Variants in KLHL13 observed in about 807,000 individuals in gnomAD.
The protein encoded by KLHL13 is kelch-like protein 13.
A neutral mutation model predicts 37.1 loss-of-function variants in KLHL13; 10 were observed. The ratio of observed to expected loss-of-function variants is 0.27; its 90% CI spans 0.17 to 0.46. The LOEUF (loss-of-function observed/expected upper bound fraction) is 0.46. Among genes scored for constraint, KLHL13 ranks in the 20% least tolerant of loss-of-function variants. The pLI, the probability that KLHL13 is intolerant of heterozygous loss-of-function variation, is 1.00. For synonymous variants in KLHL13, 163 were observed against 181.2 expected, an observed-to-expected ratio of 0.90 and a Z score of 0.81; for missense variants, 360 against 509.3, an observed-to-expected ratio of 0.71 and a Z score of 2.82.
At chrX:117,922,599 T>C (rs971871210) in intron 2 of KLHL13, among the ~76,000 whole-genome samples, 4 of 111,581 alleles carry the variant, frequency 3.6e-5, no homozygotes, top group African/African-American at 1.3e-4. Context: ...AATAATAAAA[T>C]GAGTTGTGCT....
intron 1 of KLHL13, among the ~76,000 whole-genome samples, chrX:118,023,313 G>T (rs2054239844): frequency 9.0e-6 from 1 of 110,885 alleles, no homozygotes; most frequent in African/African-American, 3.3e-5. Flanking sequence ...TTGTTTCAGA[G>T]AGATAATTTT....
At chrX:117,938,907 G>A (rs772869545) in intron 2 of KLHL13, among the ~76,000 whole-genome samples, 30 of 110,129 alleles carry the variant, frequency 2.7e-4, no homozygotes, top group African/African-American at 8.9e-4. Flanking sequence ...AAAAATAGCC[G>A]AAGACTCGTT....
At chrX:117,978,982 G>A (rs1269028547) in intron 1 of KLHL13, among the ~76,000 whole-genome samples, 1 of 110,883 alleles carries the variant, frequency 9.0e-6, no homozygotes, top group Admixed American at 9.6e-5. Context: ...CCAGGCTGGA[G>A]TGCAGTGCCA....
chrX:118,023,672 G>A (rs774681986), intron 1 of KLHL13, among the ~76,000 whole-genome samples: 1 of 111,456 alleles, frequency 9.0e-6, no homozygotes, highest in South Asian at 3.8e-4. Context: ...AGGTTCAGGC[G>A]ATTCTCATGC....
chrX:118,023,690 T>G (rs1422443941), intron 1 of KLHL13, among the ~76,000 whole-genome samples: 1 of 111,366 alleles, frequency 9.0e-6, no homozygotes, highest in Non-Finnish European at 1.9e-5. Flanking sequence ...TGCCTCAGCC[T>G]CCCAAATAGC....
chrX:118,111,913 G>C (rs1054969743), intron 1 of KLHL13, among the ~76,000 whole-genome samples: 2 of 111,606 alleles, frequency 1.8e-5, no homozygotes, highest in Non-Finnish European at 1.9e-5. Context: ...AAAAGAAAAA[G>C]AAAAAGAGAA....
chrX:117,963,378 G>A (rs927132895), intron 1 of KLHL13, among the ~76,000 whole-genome samples: 1 of 111,822 alleles, frequency 8.9e-6, no homozygotes, highest in Non-Finnish European at 1.9e-5. Flanking sequence ...AAACTTGTGT[G>A]CTATAAAGCA....
At chrX:118,007,079 C>T (rs749717068) in intron 1 of KLHL13, among the ~76,000 whole-genome samples, 35 of 110,797 alleles carry the variant, frequency 3.2e-4, no homozygotes, top group Non-Finnish European at 5.7e-4. Context: ...AGTGACCTCC[C>T]ACTGATTTGA....
intron 2 of KLHL13, among the ~76,000 whole-genome samples, chrX:117,941,855 TTA>T (rs1436482371): frequency 9.0e-6 from 1 of 111,715 alleles, no homozygotes; most frequent in Non-Finnish European, 1.9e-5. Flanking sequence ...CTGATCTTAG[TTA>T]TTTCTTGTCG....
At chrX:118,070,348 G>A (rs761463437) in intron 1 of KLHL13, among the ~76,000 whole-genome samples, 2 of 112,193 alleles carry the variant, frequency 1.8e-5, no homozygotes, top group African/African-American at 6.5e-5. Flanking sequence ...ATTTCTATTA[G>A]GATTTCTTTC....
At chrX:118,093,914 G>A (rs1342499960) in intron 1 of KLHL13, among the ~76,000 whole-genome samples, 1 of 109,405 alleles carries the variant, frequency 9.1e-6, no homozygotes, top group Non-Finnish European at 1.9e-5. Context: ...TGGCCGAATA[G>A]GAACAGCTCC....
chrX:117,966,465 A>G (rs1421961934), intron 1 of KLHL13, among the ~76,000 whole-genome samples: 2 of 111,259 alleles, frequency 1.8e-5, no homozygotes, highest in Admixed American at 9.6e-5. Context: ...AATCAATATC[A>G]TGAAAATGGC....
chrX:117,930,587 C>T (rs750623028), intron 2 of KLHL13, among the ~76,000 whole-genome samples: 166 of 111,854 alleles, frequency 1.5e-3, no homozygotes, highest in Non-Finnish European at 2.6e-3. Flanking sequence ...CACTTCGACA[C>T]TAGCAAATAA....
At chrX:118,035,856 C>T (rs1348084532) in intron 1 of KLHL13, among the ~76,000 whole-genome samples, 1 of 101,919 alleles carries the variant, frequency 9.8e-6, no homozygotes, top group Non-Finnish European at 1.9e-5. Context: ...ATTGTCTCAG[C>T]CCAAAATCTC....
chrX:118,099,234 ATT>A (rs746145209), intron 1 of KLHL13, among the ~76,000 whole-genome samples: 1 of 111,626 alleles, frequency 9.0e-6, no homozygotes, highest in African/African-American at 3.2e-5. Flanking sequence ...TATGCATTTC[ATT>A]TTACACCATC....
At chrX:117,943,414 A>G (rs1051190043) in intron 2 of KLHL13, among the ~76,000 whole-genome samples, 49 of 111,035 alleles carry the variant, frequency 4.4e-4, no homozygotes, top group African/African-American at 1.6e-3. Flanking sequence ...AATACCCTGA[A>G]GAGTATTTTC....
At chrX:118,079,319 G>A (rs765045597) in intron 1 of KLHL13, among the ~76,000 whole-genome samples, 65 of 110,361 alleles carry the variant, frequency 5.9e-4, no homozygotes, top group African/African-American at 2.1e-3. Context: ...ATGAAAAAAA[G>A]GTAACCAAAT....
intron 1 of KLHL13, among the ~76,000 whole-genome samples, chrX:118,094,170 A>T (rs2055172404): frequency 9.0e-6 from 1 of 111,120 alleles, no homozygotes; most frequent in East Asian, 2.8e-4. Context: ...GCTAACTAGA[A>T]TAACCAATGC....
intron 1 of KLHL13, among the ~76,000 whole-genome samples, chrX:117,950,462 A>G (rs6603354): frequency 0.1 from 11,438 of 111,376 alleles, 597 homozygotes; most frequent in African/African-American, 0.19. Flanking sequence ...GTGAAACTCC[A>G]TCTCAAAAAA....
Sources: gnomAD v4.1 joint callset for allele counts (sites outside exome capture counted in the v4.1 genomes callset) on GRCh38, gnomAD v4.1.1 for gene constraint, MANE v1.5 for transcripts, NCBI Gene and HGNC (gene_info 2026-07-23, HGNC 2026-07-21) for gene names.